The following CPNE8 variants were observed in gnomAD, a reference collection of about 807,000 sequenced individuals.
CPNE8 encodes the protein copine 8, also known as copine-8.
A neutral mutation model predicts 81.5 loss-of-function variants in CPNE8; 45 were observed. The ratio of observed to expected loss-of-function variants is 0.55; its 90% CI spans 0.44 to 0.71. The LOEUF (loss-of-function observed/expected upper bound fraction) is 0.71, where lower values mean the gene tolerates loss of function less well. CPNE8 is among the 30% of genes least tolerant of loss of function. CPNE8 has a pLI of 0.00. For synonymous variants in CPNE8, 252 were observed against 226.3 expected (o/e 1.11, Z -1.02); for missense variants, 594 against 672.1 (o/e 0.88, Z 1.28).
chr12:38,827,225 C>G (rs1299059734), intron 6 of CPNE8, among the ~76,000 whole-genome samples: 1 of 148,474 alleles, frequency 6.7e-6, no homozygotes. Flanking sequence ...AAGAAATGCT[C>G]AACATCACTA....
At chr12:38,667,025 T>C (rs1273041872) in intron 19 of CPNE8, among the ~76,000 whole-genome samples, 1 of 152,144 alleles carries the variant, frequency 6.6e-6, no homozygotes, top group Non-Finnish European at 1.5e-5. Flanking sequence ...AAGGAAGGTA[T>C]TTAATATTTA....
At chr12:38,751,329 T>C (rs1941349391) in intron 10 of CPNE8, among the ~76,000 whole-genome samples, 1 of 152,220 alleles carries the variant, frequency 6.6e-6, no homozygotes, top group Non-Finnish European at 1.5e-5. Flanking sequence ...ATTCGCCTTT[T>C]TTAAAAAAAT....
intron 8 of CPNE8, among the ~76,000 whole-genome samples, chr12:38,764,250 G>C (rs1427804926): frequency 6.6e-6 from 1 of 152,120 alleles, no homozygotes; most frequent in Non-Finnish European, 1.5e-5. Flanking sequence ...AATCAAAGTG[G>C]ATAGGGCAAG....
intron 19 of CPNE8, among the ~76,000 whole-genome samples, chr12:38,659,489 G>A (rs140912686): frequency 0.012 from 1,856 of 151,956 alleles, 29 homozygotes; most frequent in Middle Eastern, 0.041. Context: ...TAGACAGATC[G>A]ACAAGACAGG....
intron 3 of CPNE8, among the ~76,000 whole-genome samples, chr12:38,866,505 A>G (rs1384461278): frequency 6.6e-6 from 1 of 152,258 alleles, no homozygotes; most frequent in Non-Finnish European, 1.5e-5. Context: ...CTGTATCATT[A>G]GCTTTGTATG....
At chr12:38,824,126 A>G (rs1251324544) in intron 6 of CPNE8, among the ~76,000 whole-genome samples, 3 of 152,242 alleles carry the variant, frequency 2.0e-5, no homozygotes, top group African/African-American at 7.2e-5. Context: ...TTAAGCTGCT[A>G]TTAAAAAGTA....
chr12:38,783,156 AATCCTTCACAAAATTTAGGAC>A (rs556715139), intron 6 of CPNE8, among the ~76,000 whole-genome samples: 138 of 152,334 alleles, frequency 9.1e-4, no homozygotes, highest in African/African-American at 3.2e-3. Context: ...AGAGATGAGT[AATCCTTCACAAAATTTAGGAC>A]ATAGATAAGA....
intron 10 of CPNE8, among the ~76,000 whole-genome samples, chr12:38,733,474 G>A (rs557277181): frequency 6.6e-5 from 10 of 151,930 alleles, no homozygotes; most frequent in East Asian, 3.9e-4. Context: ...GAAACGTGAC[G>A]AAAAATACTT....
chr12:38,706,202 A>C (rs1346905330), intron 13 of CPNE8, among the ~76,000 whole-genome samples: 1 of 152,104 alleles, frequency 6.6e-6, no homozygotes, highest in Admixed American at 6.6e-5. Context: ...TTATATTATT[A>C]ATATTATGCC....
intron 4 of CPNE8, among the ~76,000 whole-genome samples, chr12:38,841,746 C>T (rs1019642303): frequency 5.9e-5 from 9 of 152,084 alleles, no homozygotes; most frequent in African/African-American, 2.2e-4. Flanking sequence ...ACATACATGC[C>T]ACTTTTGAAT....
intron 10 of CPNE8, among the ~76,000 whole-genome samples, chr12:38,732,255 A>G (rs1940849561): frequency 6.6e-6 from 1 of 151,952 alleles, no homozygotes; most frequent in Non-Finnish European, 1.5e-5. Context: ...CTTATCAAAA[A>G]CATGGCAGAA....
At chr12:38,782,678 T>C (rs1287598293) in intron 6 of CPNE8, among the ~76,000 whole-genome samples, 1 of 150,730 alleles carries the variant, frequency 6.6e-6, no homozygotes, top group Non-Finnish European at 1.5e-5. Flanking sequence ...TTTTGTTTTG[T>C]TTTTGTTTTG....
At chr12:38,808,491 A>G (rs557092820) in intron 6 of CPNE8, among the ~76,000 whole-genome samples, 39 of 151,922 alleles carry the variant, frequency 2.6e-4, no homozygotes, top group African/African-American at 8.5e-4. Flanking sequence ...TTCTCAGTCA[A>G]CTATCACAAG....
chr12:38,776,651 A>G (rs975413617), intron 6 of CPNE8, among the ~76,000 whole-genome samples: 2 of 152,038 alleles, frequency 1.3e-5, no homozygotes, highest in African/African-American at 2.4e-5. Context: ...AAACATGTCG[A>G]TCCTCTCCTC....
chr12:38,871,505 T>C (rs1384256429), intron 3 of CPNE8, among the ~76,000 whole-genome samples: 1 of 152,108 alleles, frequency 6.6e-6, no homozygotes, highest in African/African-American at 2.4e-5. Context: ...TTCAGGAAGA[T>C]AATCAAAGGG....
intron 1 of CPNE8, among the ~76,000 whole-genome samples, chr12:38,880,186 C>T (rs912085208): frequency 6.6e-6 from 1 of 152,078 alleles, no homozygotes; most frequent in Admixed American, 6.5e-5. Flanking sequence ...TGCAAATTGC[C>T]CTGTGTCAAT....
At chr12:38,741,558 G>A (rs1312471751) in intron 10 of CPNE8, among the ~76,000 whole-genome samples, 5 of 152,124 alleles carry the variant, frequency 3.3e-5, no homozygotes, top group African/African-American at 9.7e-5. Flanking sequence ...TTATATGTTA[G>A]ACCTAAAACC....
intron 2 of CPNE8, among the ~76,000 whole-genome samples, chr12:38,873,969 T>A (rs1234342850): frequency 6.6e-6 from 1 of 152,036 alleles, no homozygotes; most frequent in African/African-American, 2.4e-5. Context: ...TTTCTTTTTT[T>A]TTTAAGAGAC....
chr12:38,665,099 A>C (rs982448951), intron 19 of CPNE8, among the ~76,000 whole-genome samples: 1 of 152,138 alleles, frequency 6.6e-6, no homozygotes, highest in Non-Finnish European at 1.5e-5. Context: ...CAAATCTTAA[A>C]ATTTTCATGA....
Sources: allele counts gnomAD v4.1 joint callset (sites outside exome capture counted in the v4.1 genomes callset), GRCh38; gene constraint gnomAD v4.1.1; transcripts MANE v1.5; gene names NCBI Gene and HGNC (gene_info 2026-07-23, HGNC 2026-07-21).